SH3GL2: variants seen among roughly 807,000 people sequenced by gnomAD.
SH3GL2 encodes endophilin-A1.
SH3GL2 carries 24 observed loss-of-function variants against 46.0 expected under a neutral mutation model. The observed-to-expected ratio is 0.52, with a 90% CI of 0.38 to 0.73. The LOEUF (loss-of-function observed/expected upper bound fraction) is 0.73. Ranked by LOEUF, SH3GL2 falls within the 30% of genes least tolerant of loss-of-function variation. The pLI, the probability that SH3GL2 is intolerant of heterozygous loss-of-function variation, is 0.00. For missense variants in SH3GL2, 413 were observed against 424.2 expected, an observed-to-expected ratio of 0.97 and a Z score of 0.23; for synonymous variants, 196 against 147.1, an observed-to-expected ratio of 1.33 and a Z score of -2.40.
chr9:17,681,146 T>C (rs2118043566), intron 1 of SH3GL2, among the ~76,000 whole-genome samples: 1 of 152,228 alleles, frequency 6.6e-6, no homozygotes, highest in Admixed American at 6.6e-5. Context: ...AGGGGCTATA[T>C]TAAAATGGGA....
intron 1 of SH3GL2, among the ~76,000 whole-genome samples, chr9:17,654,525 TGTCA>T (rs1390697820): frequency 6.6e-6 from 1 of 152,220 alleles, no homozygotes; most frequent in African/African-American, 2.4e-5. Context: ...CCAATATGCC[TGTCA>T]GTAAGACTAG....
intron 1 of SH3GL2, among the ~76,000 whole-genome samples, chr9:17,664,071 A>T (rs1820286540): frequency 6.6e-6 from 1 of 152,160 alleles, no homozygotes; most frequent in Non-Finnish European, 1.5e-5. Flanking sequence ...TCCTGTGGAA[A>T]TAGTTTTCAG....
chr9:17,579,393 C>A lies in SH3GL2; in HGVS notation c.45+106C>A, dbSNP rs113796678. On this transcript the variant is annotated intron_variant, in intron 1 of 8. Coordinates refer to ENST00000380607, the MANE Select transcript of SH3GL2 (RefSeq NM_003026.5). ...CAGCTTGGGGAGTTCGGCACCGAGC[C>A]TCGCCCGCGCCGGCCGCGCCCCGCC... is the stretch of plus-strand genomic sequence containing the variant. 2,236 of 603,332 alleles carry A rather than the reference C, an allele frequency of 3.7e-3. 4 individuals are homozygous for A. The highest frequency in any genetic ancestry group is 4.9e-3 in the Non-Finnish European group (2,031 of 414,308). The allele number at this position is 603,332 out of a possible 1,614,324, so 37.4% of individuals were successfully genotyped here.
intron 1 of SH3GL2, among the ~76,000 whole-genome samples, chr9:17,729,170 G>A (rs571940159): frequency 2.0e-5 from 3 of 152,178 alleles, no homozygotes; most frequent in Non-Finnish European, 4.4e-5. Context: ...TAACTGGCAT[G>A]AGCTGGTATC....
chr9:17,679,920 C>G lies in SH3GL2; in HGVS notation c.46-67146C>G, dbSNP rs1219866052. Among the ~76,000 whole-genome samples the G allele has an allele frequency of 3.3e-5, 5 of 152,048 alleles. No individual in the cohort carries two copies. The East Asian group carries it at 5.8e-4, about 18-fold the overall frequency. On this transcript the variant is annotated intron_variant, in intron 1 of 8. Transcript: ENST00000380607. ...TTTTGTCTTTGGTTCTGTTTATATG[C>G]TGGATTACGTTTATTGATTTGCATA...
At chr9:17,713,091 A>G (rs1821671796) in intron 1 of SH3GL2, among the ~76,000 whole-genome samples, 1 of 151,262 alleles carries the variant, frequency 6.6e-6, no homozygotes, top group Admixed American at 6.6e-5. Flanking sequence ...TTTTAAATCA[A>G]AAGTAGATGT....
intron 3 of SH3GL2, among the ~76,000 whole-genome samples, chr9:17,767,772 A>G (rs1823355231): frequency 6.6e-6 from 1 of 152,248 alleles, no homozygotes; most frequent in African/African-American, 2.4e-5. Flanking sequence ...TAAAGGACAG[A>G]TTACAAAAGC....
chr9:17,621,296 A>T (rs1376773851), intron 1 of SH3GL2, among the ~76,000 whole-genome samples: 1 of 152,244 alleles, frequency 6.6e-6, no homozygotes, highest in Non-Finnish European at 1.5e-5. Flanking sequence ...GCTGAACTAC[A>T]ATTTCCGAAT....
intron 1 of SH3GL2, among the ~76,000 whole-genome samples, chr9:17,698,466 C>G (rs973617362): frequency 1.3e-5 from 2 of 152,052 alleles, no homozygotes; most frequent in Non-Finnish European, 2.9e-5. Flanking sequence ...GAAGAAAATC[C>G]TTGGAAAGTA....
chr9:17,763,859 G>A (rs1235872266), intron 3 of SH3GL2, among the ~76,000 whole-genome samples: 1 of 152,150 alleles, frequency 6.6e-6, no homozygotes, highest in African/African-American at 2.4e-5. Flanking sequence ...CACGTTGCAC[G>A]ATCCTGCCTC....
intron 1 of SH3GL2, among the ~76,000 whole-genome samples, chr9:17,696,247 A>T (rs528117315): frequency 6.6e-6 from 1 of 152,168 alleles, no homozygotes; most frequent in African/African-American, 2.4e-5. Context: ...GGATATTTTA[A>T]ATACAGATAA....
intron 1 of SH3GL2, among the ~76,000 whole-genome samples, chr9:17,661,700 A>G (rs1318444731): frequency 1.3e-5 from 2 of 152,200 alleles, no homozygotes; most frequent in Non-Finnish European, 2.9e-5. Context: ...TTTTTTAACT[A>G]ATAGGAGAGT....
At chr9:17,746,371 C>A (rs146720609) in intron 1 of SH3GL2, among the ~76,000 whole-genome samples, 1 of 152,128 alleles carries the variant, frequency 6.6e-6, no homozygotes, top group Non-Finnish European at 1.5e-5. Context: ...TCACTGCGCC[C>A]GGCCCTAATT....
intron 3 of SH3GL2, among the ~76,000 whole-genome samples, chr9:17,782,876 G>T (rs955414644): frequency 2.0e-5 from 3 of 152,150 alleles, no homozygotes; most frequent in Non-Finnish European, 2.9e-5. Context: ...ACGCACGCCA[G>T]CCTTCATAGT....
intron 1 of SH3GL2, among the ~76,000 whole-genome samples, chr9:17,611,376 T>G (rs1410318776): frequency 6.6e-6 from 1 of 152,218 alleles, no homozygotes; most frequent in Non-Finnish European, 1.5e-5. Context: ...GAAGCTAAAA[T>G]GCATTCTAAG....
chr9:17,760,577 A>G (rs1823142238), intron 2 of SH3GL2, among the ~76,000 whole-genome samples: 1 of 152,074 alleles, frequency 6.6e-6, no homozygotes, highest in Non-Finnish European at 1.5e-5. Flanking sequence ...ACAAACAGAA[A>G]ATTTCTCCAG....
At chr9:17,746,388 G>A (rs4514084) in intron 1 of SH3GL2, among the ~76,000 whole-genome samples, 24,100 of 152,120 alleles carry the variant, frequency 0.16, 2,394 homozygotes, top group African/African-American at 0.26. Context: ...AATTTTTTAT[G>A]AACATGAATT....
At chr9:17,647,423 CTCTCTG>C (rs1819845384) in intron 1 of SH3GL2, among the ~76,000 whole-genome samples, 1 of 151,666 alleles carries the variant, frequency 6.6e-6, no homozygotes, top group Non-Finnish European at 1.5e-5. Flanking sequence ...CTCTCTCTCT[CTCTCTG>C]TCTCTCTCTC....
Position 17,770,656 on chromosome 9 carries a change from GAC to G in SH3GL2, c.187+9149_187+9150del, listed in dbSNP as rs558831804. Among the ~76,000 whole-genome samples, 341 of 152,356 alleles carry G rather than the reference GAC, an allele frequency of 2.2e-3. 1 individual carries two copies. The highest frequency in any genetic ancestry group is 7.7e-3 in the African/African-American group (319 of 41,582). On this transcript the variant is annotated intron_variant, in intron 3 of 8. Transcript: ENST00000380607. ...CCCATGACCAAGTCACATTATGTGA[GAC>G]AGTCTTAGCAGACTAATACGAGAGA...
Sources: allele counts gnomAD v4.1 joint callset (sites outside exome capture counted in the v4.1 genomes callset), GRCh38; gene constraint gnomAD v4.1.1; transcripts MANE v1.5; gene names NCBI Gene and HGNC (gene_info 2026-07-23, HGNC 2026-07-21).